Variants in MIA3 observed in about 807,000 individuals in gnomAD.
The protein encoded by MIA3 is transport and Golgi organization protein 1 homolog.
Under a neutral mutation model 192.4 loss-of-function variants are expected in MIA3, and 90 were observed. That is an observed-to-expected ratio of 0.47 (90% CI 0.39 to 0.56). MIA3 has a LOEUF of 0.56. MIA3 is among the 20% of genes least tolerant of loss of function. The pLI is 0.00. For missense variants in MIA3, 2,123 were observed against 2,269.4 expected, an observed-to-expected ratio of 0.94 and a Z score of 1.31; for synonymous variants, 740 against 792.8, an observed-to-expected ratio of 0.93 and a Z score of 1.12.
chr1:222,628,735 C>A lies in MIA3; in HGVS notation c.1515C>A (p.Asn505Lys). 1 of 1,614,118 alleles carries A rather than the reference C, an allele frequency of 6.2e-7. No homozygotes were observed. Among genetic ancestry groups the A allele is most frequent in the Non-Finnish European group, 8.5e-7 (1 of 1,180,020 alleles). ...GTTCTGTTCACAGCAATAACCTCAA[C>A]TCTATGCCAGCTGCTGAAAAGGGTA... Reference protein sequence around the residue: ...VHSSVHSNNLNSMPAAEKGKD... With the variant: ...VHSSVHSNNLKSMPAAEKGKD... Residue 505 changes from asparagine to lysine, a missense_variant, in exon 4 of 28, where the codon AAC (asparagine) becomes AAA (lysine). By Grantham distance (94) the Asn-to-Lys change is moderately conservative (BLOSUM62 0). This residue lies in a region of MIA3 where 1,357 missense variants were observed against 1,396.1 expected (regional missense o/e 0.97). Transcript: ENST00000344922.
intron 7 of MIA3, among the ~76,000 whole-genome samples, chr1:222,647,646 T>C (rs776526068): frequency 1.1e-4 from 17 of 152,152 alleles, no homozygotes; most frequent in Non-Finnish European, 2.5e-4. Context: ...TTCTCCTATT[T>C]GTTAATAAAA....
At chr1:222,662,561 C>T (rs978407551) in intron 26 of MIA3, 4 of 1,180,646 alleles carry the variant, frequency 3.4e-6, no homozygotes, top group Non-Finnish European at 4.4e-6. Flanking sequence ...CTGAACTGGG[C>T]TATAAGTTGC....
intron 6 of MIA3, among the ~76,000 whole-genome samples, chr1:222,637,452 C>G (rs1662677276): frequency 6.6e-6 from 1 of 152,058 alleles, no homozygotes; most frequent in Non-Finnish European, 1.5e-5. Context: ...CAAAGAGAAA[C>G]TTATGATCAA....
intron 6 of MIA3, among the ~76,000 whole-genome samples, chr1:222,641,188 T>C (rs1257197000): frequency 6.6e-6 from 1 of 152,232 alleles, no homozygotes; most frequent in African/African-American, 2.4e-5. Flanking sequence ...ACACTGGTCA[T>C]ATGATCCAGC....
At chr1:222,664,827 G>A in intron 27 of MIA3, 2 of 323,418 alleles carry the variant, frequency 6.2e-6, no homozygotes, top group Non-Finnish European at 1.4e-5. Context: ...TATTTAGTCT[G>A]TCTTCTTGGT....
intron 19 of MIA3, chr1:222,659,117 G>A: frequency 2.3e-6 from 1 of 430,126 alleles, no homozygotes; most frequent in Non-Finnish European, 4.1e-6. Context: ...GATAGACCCA[G>A]TAGTCCTAAC....
chr1:222,658,881 T>C, intron 19 of MIA3, 58 bp downstream of exon 19: 4 of 1,131,316 alleles, frequency 3.5e-6, no homozygotes, highest in Non-Finnish European at 5.2e-6. Flanking sequence ...TTGGCTTTTT[T>C]TATTAGCACA....
chr1:222,633,253 A>G lies in MIA3; in HGVS notation c.3477+4A>G, dbSNP rs74903988. 769 of 1,577,892 alleles carry G rather than the reference A, an allele frequency of 4.9e-4. 2 individuals carry two copies. The highest frequency in any genetic ancestry group is 6.3e-4 in the Non-Finnish European group (735 of 1,162,638). ...CATGTTTTATTTAACTAAGTCGGTAAGTTTAACATAGTTTTTTTTTAACTA... is the reference window on the plus strand; with the variant it reads ...CATGTTTTATTTAACTAAGTCGGTAGGTTTAACATAGTTTTTTTTTAACTA... On this transcript the variant is annotated splice_donor_region_variant and intron_variant, in intron 6 of 27. Transcript: ENST00000344922.
chr1:222,644,549 CTG>C, intron 6 of MIA3: 1 of 1,550,636 alleles, frequency 6.4e-7, no homozygotes, highest in African/African-American at 1.4e-5. Context: ...GGACCCTTGT[CTG>C]TGCTCTACGC....
chr1:222,621,401 C>T (rs1661850616), intron 2 of MIA3, 109 bp downstream of exon 2: 2 of 1,086,892 alleles, frequency 1.8e-6, no homozygotes, highest in South Asian at 1.6e-5. Flanking sequence ...GTTAACTTGT[C>T]CTCTCTGCCT....
chr1:222,623,364 T>C (rs1394318601), intron 2 of MIA3, among the ~76,000 whole-genome samples: 1 of 152,098 alleles, frequency 6.6e-6, no homozygotes, highest in Non-Finnish European at 1.5e-5. Flanking sequence ...AAATGTATTG[T>C]ATTTCCCTTT....
Position 222,633,184 on chromosome 1 carries a change from A to G in MIA3, c.3412A>G (p.Ser1138Gly), listed in dbSNP as rs1372949725. The G allele has an allele frequency of 6.2e-7, 1 of 1,614,056 alleles. No homozygotes were observed. Among genetic ancestry groups the G allele is most frequent in the Non-Finnish European group, 8.5e-7 (1 of 1,179,920 alleles). ...AGAGACAGCCGCCGAAGAGCCGGCAAGTGTCACACCTTTGGAAAACGCAAT... is the reference window on the plus strand; with the variant it reads ...AGAGACAGCCGCCGAAGAGCCGGCAGGTGTCACACCTTTGGAAAACGCAAT... ...QPETAAEEPASVTPLENAILL... is the reference protein window; with the variant it reads ...QPETAAEEPAGVTPLENAILL... The change falls in exon 6 of 28, where the codon AGT becomes GGT. Residue 1138 changes from serine (S) to glycine (G), a missense_variant. Transcript: ENST00000344922.
chr1:222,624,318 C>T (rs755352043), intron 2 of MIA3, among the ~76,000 whole-genome samples: 11 of 152,116 alleles, frequency 7.2e-5, no homozygotes, highest in Middle Eastern at 3.2e-3. Context: ...TATAAACAAA[C>T]GTAAAGATAA....
intron 11 of MIA3, among the ~76,000 whole-genome samples, chr1:222,651,337 G>A (rs546427590): frequency 2.6e-5 from 4 of 151,088 alleles, no homozygotes; most frequent in East Asian, 1.9e-4. Flanking sequence ...TGATGACCTC[G>A]TTGAGGTAGT....
intron 6 of MIA3, among the ~76,000 whole-genome samples, chr1:222,633,663 A>C (rs955681893): frequency 6.6e-6 from 1 of 152,060 alleles, no homozygotes; most frequent in African/African-American, 2.4e-5. Context: ...ATATGCTTTA[A>C]GCAGATTCGA....
chr1:222,645,791 T>G, intron 7 of MIA3, 106 bp downstream of exon 7: 1 of 992,828 alleles, frequency 1.0e-6, no homozygotes, highest in Non-Finnish European at 1.5e-6. Flanking sequence ...AATTAATGCT[T>G]TTAATTCAAG....
chr1:222,635,310 G>C (rs1475793958), intron 6 of MIA3, among the ~76,000 whole-genome samples: 1 of 152,170 alleles, frequency 6.6e-6, no homozygotes, highest in Non-Finnish European at 1.5e-5. Flanking sequence ...TTCTAGATAC[G>C]CACAGAGCCC....
At chr1:222,652,584 A>G (rs1419680608) in intron 13 of MIA3, among the ~76,000 whole-genome samples, 2 of 152,226 alleles carry the variant, frequency 1.3e-5, no homozygotes, top group Admixed American at 6.5e-5. Context: ...ACCAATTGCT[A>G]TTAACTTGAG....
chr1:222,644,224 T>TCC, intron 6 of MIA3: 1 of 1,202,466 alleles, frequency 8.3e-7, no homozygotes, highest in Non-Finnish European at 1.1e-6. Context: ...CCCTCGATAG[T>TCC]TGGTTCCGTC....
Sources: gnomAD v4.1 joint callset for allele counts (sites outside exome capture counted in the v4.1 genomes callset) on GRCh38, gnomAD v4.1.1 for gene constraint, gnomAD v4.1.1 regional missense constraint, MANE v1.5 for transcripts, NCBI Gene and HGNC (gene_info 2026-07-23, HGNC 2026-07-21) for gene names.